ORC2: variants seen among roughly 807,000 people sequenced by gnomAD.
The protein encoded by ORC2 is origin recognition complex protein 2 homolog.
ORC2 carries 37 observed loss-of-function variants against 77.7 expected under a neutral mutation model. The ratio of observed to expected loss-of-function variants is 0.48; its 90% CI spans 0.37 to 0.63. The LOEUF is 0.63. ORC2 is among the 20% of genes least tolerant of loss of function. The probability of loss-of-function intolerance (pLI) is 0.00; values close to 1 mark genes in which losing one functional copy is unlikely to be tolerated. For missense variants in ORC2, 557 were observed against 661.9 expected (o/e 0.84, Z 1.74); for synonymous variants, 201 against 229.5 (o/e 0.88, Z 1.12).
At position 200,910,377 on chromosome 2, in the gene ORC2, G is replaced by T. The variant is rs1337008327; in HGVS notation, c.*924C>A. 1 of 152,114 alleles carries T rather than the reference G, an allele frequency of 6.6e-6. No homozygotes were observed. The highest frequency in any genetic ancestry group is 2.4e-5 in the African/African-American group (1 of 41,416). The allele number at this position is 152,114 out of a possible 1,614,324, so 9.4% of individuals were successfully genotyped here. On this transcript the variant is annotated 3_prime_UTR_variant, in exon 18 of 18. Coordinates refer to ENST00000234296, the MANE Select transcript of ORC2 (RefSeq NM_006190.5). ...GGAAAAAACTGAAATATCTTACAGT[G>T]AGTTTTAGGTCTACTTGACAGAGGA...
intron 5 of ORC2, 93 bp downstream of exon 5, chr2:200,949,461 G>T: frequency 1.5e-6 from 1 of 686,016 alleles, no homozygotes; most frequent in Non-Finnish European, 2.6e-6. Flanking sequence ...CATTCTTTTA[G>T]GAAATGTAGT....
At chr2:200,929,795 A>AG (rs1459519653) in intron 11 of ORC2, among the ~76,000 whole-genome samples, 2 of 150,834 alleles carry the variant, frequency 1.3e-5, no homozygotes, top group African/African-American at 4.8e-5. Flanking sequence ...TAAAAAGAAA[A>AG]GAAAAAAAAA....
At chr2:200,931,743 A>C (rs1426727363) in intron 10 of ORC2, among the ~76,000 whole-genome samples, 1 of 152,256 alleles carries the variant, frequency 6.6e-6, no homozygotes, top group Admixed American at 6.5e-5. Context: ...ACTTTCTCAG[A>C]AAACATTAAA....
intron 13 of ORC2, among the ~76,000 whole-genome samples, chr2:200,923,639 T>C (rs2040794457): frequency 6.6e-6 from 1 of 152,110 alleles, no homozygotes. Context: ...TGAAGGAAGT[T>C]TATATACACA....
chr2:200,933,796 T>G, intron 10 of ORC2, 80 bp downstream of exon 10: 1 of 698,324 alleles, frequency 1.4e-6, no homozygotes, highest in Non-Finnish European at 2.5e-6. Context: ...TTGTGTATAC[T>G]TTTCAAATCT....
At chr2:200,937,834 T>C (rs2041075328) in intron 8 of ORC2, 72 bp downstream of exon 8, 2 of 983,500 alleles carry the variant, frequency 2.0e-6, no homozygotes, top group Non-Finnish European at 3.2e-6. Context: ...CTAGAACCTA[T>C]ATACTTAACT....
intron 5 of ORC2, among the ~76,000 whole-genome samples, chr2:200,947,172 G>A (rs1246997002): frequency 1.3e-5 from 2 of 151,588 alleles, no homozygotes; most frequent in African/African-American, 4.9e-5. Context: ...AAAGTGCTGG[G>A]ATTACAGGAG....
Position 200,931,539 on chromosome 2 carries a change from A to G in ORC2, c.808-91T>C. ...AATTTCCTTAGAAGTAGAGCTTAGA[A>G]GAAGCCAATCCAATTGGAATATTAC... On this transcript the variant is annotated intron_variant, in intron 10 of 17. Transcript: ENST00000234296. The G allele has an allele frequency of 1.6e-5, 10 of 630,806 alleles. No individual in the cohort carries two copies. In the South Asian group the frequency reaches 2.2e-4, roughly 14 times the overall value. 39.1% of individuals were successfully genotyped at this position (630,806 alleles called of 1,614,324 possible).
At chr2:200,911,479 T>A in intron 17 of ORC2, 92 bp from the exon 18 acceptor site, 1 of 664,926 alleles carries the variant, frequency 1.5e-6, no homozygotes, top group Non-Finnish European at 2.5e-6. Flanking sequence ...TGAATTTATT[T>A]CTTGGATGTA....
chr2:200,916,864 G>A (rs928484393), intron 15 of ORC2, among the ~76,000 whole-genome samples: 5 of 151,642 alleles, frequency 3.3e-5, no homozygotes, highest in Admixed American at 2.0e-4. Flanking sequence ...CACCACGCCC[G>A]GCTAATTTTT....
At chr2:200,930,927 G>A (rs1179138047) in intron 11 of ORC2, among the ~76,000 whole-genome samples, 1 of 152,034 alleles carries the variant, frequency 6.6e-6, no homozygotes, top group African/African-American at 2.4e-5. Flanking sequence ...CTGAAAGTCT[G>A]TAGTACACAT....
intron 5 of ORC2, among the ~76,000 whole-genome samples, chr2:200,949,189 C>G (rs1353690355): frequency 1.3e-5 from 2 of 150,800 alleles, no homozygotes; most frequent in Non-Finnish European, 2.9e-5. Context: ...TGCAGTGAGC[C>G]GAGATTGCAC....
chr2:200,959,929 G>T (rs895983053), intron 1 of ORC2, among the ~76,000 whole-genome samples: 1 of 151,936 alleles, frequency 6.6e-6, no homozygotes, highest in Admixed American at 6.6e-5. Context: ...GGGCGTAGTG[G>T]CATGTGCCTA....
chr2:200,937,735 C>T (rs182449564), intron 8 of ORC2, among the ~76,000 whole-genome samples, 171 bp downstream of exon 8: 21 of 152,274 alleles, frequency 1.4e-4, no homozygotes, highest in African/African-American at 4.8e-4. Context: ...TTTTAGCTGA[C>T]TTCAATATAC....
At chr2:200,939,272 C>T in intron 7 of ORC2, among the ~76,000 whole-genome samples, 1 of 152,080 alleles carries the variant, frequency 6.6e-6, no homozygotes, top group Non-Finnish European at 1.5e-5. Flanking sequence ...AAACTGATTT[C>T]AAGATTGAGT....
Position 200,926,818 on chromosome 2 carries a change from A to G in ORC2, c.1000T>C (p.Ser334Pro), listed in dbSNP as rs1363729376. 8.1e-6 allele frequency: 13 copies of G among 1,613,922 alleles called. No homozygotes were observed. The highest frequency in any genetic ancestry group is 1.0e-5 in the Non-Finnish European group (12 of 1,179,808). The part of the protein sequence containing the change: ...ERFRTTMLQD[S>P]IHVVINGFFP... ...AAGCCATTGATGACAACGTGAATGGAATCTTGCAGCATAGTGGTTCGAAAC... is the reference window on the plus strand; with the variant it reads ...AAGCCATTGATGACAACGTGAATGGGATCTTGCAGCATAGTGGTTCGAAAC... The change falls in exon 12 of 18, where the codon TCC (serine) becomes CCC (proline). Residue 334 changes from serine to proline, a missense_variant. Coordinates refer to ENST00000234296, the MANE Select transcript of ORC2 (RefSeq NM_006190.5).
chr2:200,954,909 A>G (rs2041440338), intron 4 of ORC2, among the ~76,000 whole-genome samples: 2 of 42,056 alleles, frequency 4.8e-5, no homozygotes, highest in Admixed American at 2.8e-4. Flanking sequence ...TGAATGAATA[A>G]ATAAATAAAT....
At chr2:200,963,300 CCGGGCAGCCTG>C (rs1261446414) in intron 1 of ORC2, 179 bp downstream of exon 1, 4 of 396,838 alleles carry the variant, frequency 1.0e-5, no homozygotes, top group African/African-American at 8.2e-5. Flanking sequence ...TCTCGAGCCC[CCGGGCAGCCTG>C]CGGGGGGCAG....
intron 14 of ORC2, 129 bp downstream of exon 14, chr2:200,920,864 C>T: frequency 1.8e-6 from 1 of 543,416 alleles, no homozygotes; most frequent in Non-Finnish European, 2.8e-6. Context: ...TTTTGGCAAC[C>T]TGTGTTTTTA....
Sources: allele counts gnomAD v4.1 joint callset (sites outside exome capture counted in the v4.1 genomes callset), GRCh38; gene constraint gnomAD v4.1.1; transcripts MANE v1.5; gene names NCBI Gene and HGNC (gene_info 2026-07-23, HGNC 2026-07-21).